Variants in FUT9 observed in about 807,000 individuals in gnomAD.
FUT9 encodes the protein 4-galactosyl-N-acetylglucosaminide 3-alpha-L-fucosyltransferase 9.
Under a neutral mutation model 29.7 loss-of-function variants are expected in FUT9, and 15 were observed. That is an observed-to-expected ratio of 0.51 (90% CI 0.34 to 0.78). The LOEUF is 0.78. FUT9 is among the 30% of genes least tolerant of loss of function. The pLI is 0.01. For missense variants in FUT9, 319 were observed against 425.4 expected (o/e 0.75, Z 2.20); for synonymous variants, 169 against 153.7 (o/e 1.10, Z -0.74).
intron 1 of FUT9, among the ~76,000 whole-genome samples, chr6:96,065,048 G>A (rs952446608): frequency 6.6e-6 from 1 of 152,022 alleles, no homozygotes; most frequent in Non-Finnish European, 1.5e-5. Context: ...TATATTTTTA[G>A]TACATGTTCC....
At chr6:96,180,918 C>T (rs912179616) in intron 2 of FUT9, among the ~76,000 whole-genome samples, 3 of 126,618 alleles carry the variant, frequency 2.4e-5, no homozygotes, top group East Asian at 2.4e-4. Context: ...ATGCTCCCAA[C>T]TTACTGTTAA....
At chr6:96,182,740 G>T (rs1773331707) in intron 2 of FUT9, among the ~76,000 whole-genome samples, 1 of 152,048 alleles carries the variant, frequency 6.6e-6, no homozygotes, top group South Asian at 2.1e-4. Context: ...TCGAAGATCA[G>T]TTGGCTTGTA....
intron 1 of FUT9, among the ~76,000 whole-genome samples, chr6:96,105,234 A>G (rs939785158): frequency 2.0e-5 from 3 of 152,250 alleles, no homozygotes; most frequent in African/African-American, 7.2e-5. Flanking sequence ...TCTGAACAAT[A>G]TAATGTATTT....
At chr6:96,063,957 G>T (rs1326621810) in intron 1 of FUT9, among the ~76,000 whole-genome samples, 1 of 152,128 alleles carries the variant, frequency 6.6e-6, no homozygotes, top group African/African-American at 2.4e-5. Flanking sequence ...GCTTCAAAAT[G>T]AGACAATGAT....
At chr6:96,157,308 G>A (rs558559561) in intron 2 of FUT9, among the ~76,000 whole-genome samples, 1 of 152,268 alleles carries the variant, frequency 6.6e-6, no homozygotes, top group Non-Finnish European at 1.5e-5. Flanking sequence ...CACAAAGGAG[G>A]ACCTTGAGCT....
rs1343964366 is a variant in FUT9, at chr6:96,208,132, G to A, written c.*3897G>A. The A allele has an allele frequency of 3.0e-5, 5 of 166,880 alleles. No homozygotes were observed. Among genetic ancestry groups the A allele is most frequent in the Non-Finnish European group, 7.4e-5 (5 of 68,002 alleles). 10.3% of individuals were successfully genotyped at this position (166,880 alleles called of 1,614,324 possible). A position where few individuals can be genotyped will look rare whatever the true frequency, so the allele number is the denominator to read the frequency against. On this transcript the variant is annotated 3_prime_UTR_variant, in exon 3 of 3. Coordinates refer to ENST00000302103, the MANE Select transcript of FUT9 (RefSeq NM_006581.4). ...GATGTATAAAGCAACAGAATATTTA[G>A]GAATTATTTGCGGAGGCTTTAAATT...
chr6:96,131,281 A>G lies in FUT9; in HGVS notation c.-9+17154A>G, dbSNP rs151083920. Among the ~76,000 whole-genome samples, 3 of 152,254 alleles carry G rather than the reference A, an allele frequency of 2.0e-5. No individual in the cohort carries two copies. In the East Asian group the frequency reaches 5.8e-4, roughly 29 times the overall value. ...AATGACTATTTCTGAAAATTCAACT[A>G]TCTAGCATTGTACAAATAACACCTT... On this transcript the variant is annotated intron_variant, in intron 2 of 2. Transcript: ENST00000302103.
At chr6:96,122,329 T>C (rs1562132975) in intron 2 of FUT9, among the ~76,000 whole-genome samples, 6 of 152,180 alleles carry the variant, frequency 3.9e-5, no homozygotes, top group Admixed American at 2.6e-4. Flanking sequence ...TTATGGGGCA[T>C]TGGAATTTCC....
intron 2 of FUT9, among the ~76,000 whole-genome samples, chr6:96,194,227 G>C (rs77256510): frequency 6.6e-6 from 1 of 151,966 alleles, no homozygotes; most frequent in Admixed American, 6.6e-5. Context: ...TTTAGTGTAC[G>C]TCAGAACTAC....
rs773951249 is a variant in FUT9, at chr6:96,203,228, T to C, written c.73T>C (p.Cys25Arg). The C allele has an allele frequency of 2.5e-6, 4 of 1,613,252 alleles. No homozygotes were observed. The highest frequency in any genetic ancestry group is 2.7e-5 in the African/African-American group (2 of 74,910). The change falls in exon 3 of 3, where the codon TGT (cysteine) becomes CGT (arginine). Residue 25 changes from cysteine (C) to arginine (R), a missense_variant. Cys to Arg is a radical substitution (Grantham distance 180). Transcript: ENST00000302103. ...VCIILGCFMACLLIYIKPTNS... is the reference protein window; with the variant it reads ...VCIILGCFMARLLIYIKPTNS... ...CATTATCCTGGGCTGTTTCATGGCA[T>C]GTCTTCTCATTTACATCAAACCTAC...
At chr6:96,191,981 G>A (rs2127988879) in intron 2 of FUT9, among the ~76,000 whole-genome samples, 1 of 152,196 alleles carries the variant, frequency 6.6e-6, no homozygotes, top group South Asian at 2.1e-4. Context: ...ATGCAGAAAA[G>A]GCCTTTGACA....
intron 2 of FUT9, among the ~76,000 whole-genome samples, chr6:96,123,469 G>A (rs1772071667): frequency 6.6e-6 from 1 of 152,162 alleles, no homozygotes; most frequent in Non-Finnish European, 1.5e-5. Context: ...GTGTATTGAC[G>A]TCATTTGTAG....
chr6:96,039,749 TTATC>T (rs752711150), intron 1 of FUT9, among the ~76,000 whole-genome samples: 1 of 152,288 alleles, frequency 6.6e-6, no homozygotes, highest in East Asian at 1.9e-4. Context: ...GACAGAGACC[TTATC>T]TATCTTTTTC....
At chr6:96,172,411 A>G (rs1175548402) in intron 2 of FUT9, among the ~76,000 whole-genome samples, 1 of 152,202 alleles carries the variant, frequency 6.6e-6, no homozygotes, top group Non-Finnish European at 1.5e-5. Context: ...TTTTGCCAAA[A>G]TGCTTAGTAA....
At chr6:96,050,472 G>A (rs762951137) in intron 1 of FUT9, among the ~76,000 whole-genome samples, 7 of 152,176 alleles carry the variant, frequency 4.6e-5, no homozygotes, top group Non-Finnish European at 7.3e-5. Flanking sequence ...TGCTTTTCAA[G>A]CGATTCTAAC....
At chr6:96,198,839 G>A (rs978750726) in intron 2 of FUT9, among the ~76,000 whole-genome samples, 5 of 152,036 alleles carry the variant, frequency 3.3e-5, no homozygotes, top group Admixed American at 1.3e-4. Flanking sequence ...ATCTCATTGT[G>A]GTTTTGATTT....
At chr6:96,101,045 A>C (rs1771577669) in intron 1 of FUT9, among the ~76,000 whole-genome samples, 1 of 152,204 alleles carries the variant, frequency 6.6e-6, no homozygotes, top group Admixed American at 6.5e-5. Flanking sequence ...ACAAAACTAG[A>C]TACTTCATAT....
At position 96,206,463 on chromosome 6, in the gene FUT9, T is replaced by A. The variant is rs955050453; in HGVS notation, c.*2228T>A. 3.0e-5 allele frequency: 5 copies of A among 166,960 alleles called. No individual in the cohort carries two copies. The highest frequency in any genetic ancestry group is 7.3e-5 in the Non-Finnish European group (5 of 68,094). The allele number at this position is 166,960 out of a possible 1,614,324, so 10.3% of individuals were successfully genotyped here. A position where few individuals can be genotyped will look rare whatever the true frequency, so the allele number is the denominator to read the frequency against. On this transcript the variant is annotated 3_prime_UTR_variant, in exon 3 of 3. Coordinates refer to ENST00000302103, the MANE Select transcript of FUT9 (RefSeq NM_006581.4). ...CAAGTTTAGAAAGCACCTGCTTTTT[T>A]TTATTATTATTATTTTTGTGATAGA...
intron 1 of FUT9, among the ~76,000 whole-genome samples, chr6:96,055,186 T>C (rs1469582237): frequency 1.3e-5 from 2 of 152,186 alleles, no homozygotes; most frequent in Non-Finnish European, 2.9e-5. Context: ...GCATTGATTT[T>C]TCATTCTTAT....
Sources: gnomAD v4.1 joint callset for allele counts (sites outside exome capture counted in the v4.1 genomes callset) on GRCh38, gnomAD v4.1.1 for gene constraint, MANE v1.5 for transcripts, NCBI Gene and HGNC (gene_info 2026-07-23, HGNC 2026-07-21) for gene names.